Variants in ITPK1 observed in about 807,000 individuals in gnomAD.
The protein encoded by ITPK1 is inositol-tetrakisphosphate 1-kinase, also known as inositol 1,3,4-trisphosphate 5/6-kinase.
A neutral mutation model predicts 45.3 loss-of-function variants in ITPK1; 21 were observed. The ratio of observed to expected loss-of-function variants is 0.46; its 90% CI spans 0.33 to 0.67. The LOEUF (loss-of-function observed/expected upper bound fraction) is 0.67. ITPK1 is among the 30% of genes least tolerant of loss of function. The probability of loss-of-function intolerance (pLI) is 0.02; values close to 1 mark genes in which losing one functional copy is unlikely to be tolerated. For missense variants in ITPK1, 474 were observed against 573.5 expected (o/e 0.83, Z 1.77); for synonymous variants, 258 against 253.6 (o/e 1.02, Z -0.16).
chr14:93,095,130 A>T (rs2140012542), intron 2 of ITPK1, among the ~76,000 whole-genome samples: 1 of 152,206 alleles, frequency 6.6e-6, no homozygotes, highest in East Asian at 1.9e-4. Flanking sequence ...TGCAGGAGGA[A>T]CTCGGTGCTC....
At chr14:92,944,986 C>A (rs956494788) in intron 10 of ITPK1, among the ~76,000 whole-genome samples, 42 of 152,358 alleles carry the variant, frequency 2.8e-4, no homozygotes, top group African/African-American at 9.9e-4. Context: ...AGCCTTCCTG[C>A]CCCGCAGCTG....
intron 5 of ITPK1, among the ~76,000 whole-genome samples, chr14:92,972,916 C>T (rs984658982): frequency 6.6e-6 from 1 of 152,212 alleles, no homozygotes; most frequent in African/African-American, 2.4e-5. Flanking sequence ...AACCCAAGAT[C>T]GTTCCCAGCC....
intron 5 of ITPK1, among the ~76,000 whole-genome samples, chr14:92,969,883 C>T (rs1595097048): frequency 6.6e-6 from 1 of 152,122 alleles, no homozygotes; most frequent in South Asian, 2.1e-4. Flanking sequence ...GAAATGCTCC[C>T]GTCTTCCCTC....
chr14:93,101,668 G>A lies in ITPK1; in HGVS notation c.95+13401C>T, dbSNP rs772844761. Among the ~76,000 whole-genome samples the A allele has an allele frequency of 3.9e-5, 6 of 152,180 alleles. No homozygotes were observed. The East Asian group carries it at 7.7e-4, about 20-fold the overall frequency. On this transcript the variant is annotated intron_variant, in intron 2 of 10. Transcript: ENST00000267615. ...GTTCGAGACCAGCCTGGCCAATGTG[G>A]CAAAACCCCATCTCTACTAAAAATA... is the stretch of plus-strand genomic sequence containing the variant.
chr14:92,958,670 T>A lies in ITPK1; in HGVS notation c.505-304A>T, dbSNP rs753300744. On this transcript the variant is annotated intron_variant, in intron 7 of 10. Transcript: ENST00000267615. This position sits in a 1 kb window ranked among gnomAD's most constrained non-coding sequence, Gnocchi z 4.4. ...CGTGACACCACTTGTCGCACTGTGG[T>A]CCAGGGAAGGGGGCCGCTGAGGTTG... 2.6e-5 allele frequency among the ~76,000 whole-genome samples: 4 copies of A among 152,088 alleles called. No individual in the cohort carries two copies. The highest frequency in any genetic ancestry group is 6.6e-5 in the Admixed American group (1 of 15,266).
At chr14:93,027,721 C>T (rs923723577) in intron 3 of ITPK1, among the ~76,000 whole-genome samples, 3 of 152,228 alleles carry the variant, frequency 2.0e-5, no homozygotes, top group African/African-American at 7.2e-5. Flanking sequence ...CAGTCATCAA[C>T]AGAAAACAGA....
intron 3 of ITPK1, chr14:93,070,732 C>T (rs1003143829): frequency 6.6e-6 from 1 of 152,528 alleles, no homozygotes; most frequent in African/African-American, 2.4e-5. Context: ...TGGCCACTGT[C>T]TGCAGACATC....
intron 3 of ITPK1, among the ~76,000 whole-genome samples, chr14:93,046,560 G>T (rs1014032825): frequency 2.7e-5 from 4 of 146,032 alleles, no homozygotes; most frequent in Non-Finnish European, 3.0e-5. Context: ...TCAGAAAAAG[G>T]CTAGGTAAGC....
At chr14:93,033,769 A>G (rs1229369998) in intron 3 of ITPK1, among the ~76,000 whole-genome samples, 14 of 152,162 alleles carry the variant, frequency 9.2e-5, no homozygotes. Flanking sequence ...CTCCTGGAAG[A>G]GAACGGAGTG....
chr14:93,023,334 A>G (rs1744251372), intron 3 of ITPK1, among the ~76,000 whole-genome samples: 1 of 152,258 alleles, frequency 6.6e-6, no homozygotes, highest in African/African-American at 2.4e-5. Context: ...TAAGGTCTCC[A>G]GAGCCCTCTC....
At chr14:93,062,812 G>A (rs1291622663) in intron 3 of ITPK1, among the ~76,000 whole-genome samples, 1 of 152,198 alleles carries the variant, frequency 6.6e-6, no homozygotes, top group African/African-American at 2.4e-5. Flanking sequence ...ATACACCAAG[G>A]CGTTTCATCT....
intron 3 of ITPK1, among the ~76,000 whole-genome samples, chr14:93,017,303 T>C (rs1438725053): frequency 1.3e-5 from 2 of 152,268 alleles, no homozygotes; most frequent in African/African-American, 4.8e-5. Flanking sequence ...AGCAAAGCTG[T>C]GGTCCTCAGG....
At chr14:93,020,864 C>T (rs562250960) in intron 3 of ITPK1, among the ~76,000 whole-genome samples, 5 of 152,206 alleles carry the variant, frequency 3.3e-5, no homozygotes, top group African/African-American at 9.6e-5. Flanking sequence ...CACACTTGCT[C>T]GGTGCCAGGC....
At chr14:93,027,496 G>A (rs1046191775) in intron 3 of ITPK1, among the ~76,000 whole-genome samples, 2 of 152,106 alleles carry the variant, frequency 1.3e-5, no homozygotes, top group Admixed American at 6.5e-5. Flanking sequence ...GGACACCAAG[G>A]CAACTCGCCT....
chr14:92,974,480 C>T (rs896059629), intron 5 of ITPK1, among the ~76,000 whole-genome samples: 1 of 152,222 alleles, frequency 6.6e-6, no homozygotes, highest in South Asian at 2.1e-4. Flanking sequence ...CCCTCAGCCT[C>T]GCAGCCCCTT....
rs186095554 is a variant in ITPK1 at position 93,076,743 on chromosome 14, C to T, written c.96-124G>A. ...GGTTTCAGGAGGGAGCCGGCAGCTG[C>T]GCCTCTCCTGCTACTGTCCCAGAAC... On this transcript the variant is annotated intron_variant, in intron 2 of 10. Transcript: ENST00000267615. The surrounding 1 kb of genome is among the most constrained non-coding windows in gnomAD (Gnocchi z 4.3). 5.0e-5 allele frequency: 54 copies of T among 1,087,894 alleles called. No individual in the cohort carries two copies. The highest frequency in any genetic ancestry group is 2.8e-4 in the Middle Eastern group (1 of 3,618). 67.4% of individuals were successfully genotyped at this position (1,087,894 alleles called of 1,614,324 possible). A position where few individuals can be genotyped will look rare whatever the true frequency, so the allele number is the denominator to read the frequency against.
At chr14:92,949,641 G>C (rs1362312494) in intron 9 of ITPK1, among the ~76,000 whole-genome samples, 1 of 152,268 alleles carries the variant, frequency 6.6e-6, no homozygotes, top group Non-Finnish European at 1.5e-5. Flanking sequence ...GTGAGATTGT[G>C]GTGCCGACGA....
intron 5 of ITPK1, among the ~76,000 whole-genome samples, chr14:92,983,101 CA>C (rs959139614): frequency 5.9e-5 from 9 of 152,346 alleles, no homozygotes; most frequent in African/African-American, 2.2e-4. Context: ...GAGCTGTTTG[CA>C]ACCACAATGT....
Position 93,076,700 on chromosome 14 carries a change from A to G in ITPK1, c.96-81T>C. On this transcript the variant is annotated intron_variant, in intron 2 of 10. Coordinates refer to ENST00000267615, the MANE Select transcript of ITPK1 (RefSeq NM_014216.6). This position sits in a 1 kb window ranked among gnomAD's most constrained non-coding sequence, Gnocchi z 4.3. ...TCCGAAGGTTCCCGACAGCCGGCTG[A>G]GGGCAGGACCATGAGAGGGTTTCAG... 1 of 1,564,306 alleles carries G rather than the reference A, an allele frequency of 6.4e-7. No individual in the cohort carries two copies. The highest frequency in any genetic ancestry group is 1.1e-5 in the South Asian group (1 of 89,984).
Sources: allele counts gnomAD v4.1 joint callset (sites outside exome capture counted in the v4.1 genomes callset), GRCh38; gene constraint gnomAD v4.1.1; non-coding constraint Gnocchi (gnomAD v3.1); transcripts MANE v1.5; gene names NCBI Gene and HGNC (gene_info 2026-07-23, HGNC 2026-07-21).